The following TRIM39 variants were observed in gnomAD, a reference collection of about 807,000 sequenced individuals.
TRIM39 encodes E3 ubiquitin-protein ligase TRIM39.
In TRIM39, 5 loss-of-function variants were observed where a neutral mutation model predicts 53.6. The observed-to-expected ratio is 0.09, with a 90% confidence interval of 0.05 to 0.20. The LOEUF is 0.20. Among genes scored for constraint, TRIM39 ranks in the 10% least tolerant of loss-of-function variants. The pLI, the probability that TRIM39 is intolerant of heterozygous loss-of-function variation, is 1.00. For synonymous variants in TRIM39, 196 were observed against 237.6 expected (o/e 0.82, Z 1.61); for missense variants, 310 against 621.0 (o/e 0.50, Z 5.32).
chr6:30,330,175 GAT>G (rs1399814141), intron 3 of TRIM39, among the ~76,000 whole-genome samples: 1 of 152,210 alleles, frequency 6.6e-6, no homozygotes, highest in Non-Finnish European at 1.5e-5. Flanking sequence ...GCTTGAGACT[GAT>G]ACCTACCGGA....
intron 4 of TRIM39, among the ~76,000 whole-genome samples, chr6:30,331,412 G>A (rs1786158432): frequency 6.6e-6 from 1 of 152,194 alleles, no homozygotes; most frequent in Non-Finnish European, 1.5e-5. Flanking sequence ...TTTAAGAGAT[G>A]AAGAACAGAC....
rs1487593379 is a variant in TRIM39 at position 30,335,123 on chromosome 6, T to C, written c.550-622T>C. Among the ~76,000 whole-genome samples, 1 of 152,196 alleles carries C rather than the reference T, an allele frequency of 6.6e-6. No homozygotes were observed. The highest frequency in any genetic ancestry group is 1.5e-5 in the Non-Finnish European group (1 of 68,042). ...TGTAATAGTTAATGTCATCATATTA[T>C]TGAGTTCTTTATCTTAAATTAAAAC... On this transcript the variant is annotated intron_variant, in intron 4 of 7. Transcript: ENST00000396551. This position sits in a 1 kb window ranked among gnomAD's most constrained non-coding sequence, Gnocchi z 4.7.
At chr6:30,340,440 A>G in intron 6 of TRIM39, 65 bp from the exon 7 acceptor site, 1 of 1,609,808 alleles carries the variant, frequency 6.2e-7, no homozygotes, top group Non-Finnish European at 8.5e-7. Flanking sequence ...ACATCTGAAT[A>G]GTCACTTGGC....
chr6:30,331,264 G>A (rs1427070724), intron 4 of TRIM39, among the ~76,000 whole-genome samples: 11 of 134,946 alleles, frequency 8.2e-5, no homozygotes, highest in African/African-American at 3.1e-4. Flanking sequence ...GCAAGGCTCT[G>A]TCTCAAACAA....
intron 3 of TRIM39, 73 bp downstream of exon 3, chr6:30,329,843 T>G: frequency 1.3e-6 from 2 of 1,530,416 alleles, no homozygotes; most frequent in Non-Finnish European, 1.8e-6. Context: ...ACTCCCTAGG[T>G]AGAGATCGTA....
Position 30,335,750 on chromosome 6 carries a change from A to G in TRIM39, c.555A>G (p.Leu185=). 2 of 1,612,730 alleles carry G rather than the reference A, an allele frequency of 1.2e-6. No individual in the cohort carries two copies. Among genetic ancestry groups the G allele is most frequent in the Non-Finnish European group, 8.5e-7 (1 of 1,179,922 alleles). Residue 185 remains leucine (L), a synonymous_variant, in exon 5 of 8, where the codon CTA becomes CTG. Transcript: ENST00000396551. The surrounding 1 kb of genome is among the most constrained non-coding windows in gnomAD (Gnocchi z 4.7). ...CATCTTCCCTCTCTTCTCAGAGACT[A>G]GTGGAAAGTCGCCGACAGCAGATCT...
At chr6:30,336,189 A>G in intron 5 of TRIM39, 4 of 750,122 alleles carry the variant, frequency 5.3e-6, no homozygotes, top group Non-Finnish European at 7.0e-6. Flanking sequence ...GTCAGCAATT[A>G]TGTGCTTAAT....
chr6:30,339,198 G>A lies in TRIM39; in HGVS notation c.781-710G>A, dbSNP rs538517389. Among the ~76,000 whole-genome samples the A allele has an allele frequency of 1.3e-5, 2 of 151,726 alleles. No individual in the cohort carries two copies. Among genetic ancestry groups the A allele is most frequent in the African/African-American group, 4.8e-5 (2 of 41,270 alleles). ...AGAGTCTTGCTCTGTCGCCCAGGCT[G>A]GAGTGCAGTGCATGATCTCGGCTCA... On this transcript the variant is annotated intron_variant, in intron 5 of 7. Transcript: ENST00000396551. This position sits in a 1 kb window ranked among gnomAD's most constrained non-coding sequence, Gnocchi z 4.2.
intron 3 of TRIM39, among the ~76,000 whole-genome samples, chr6:30,330,140 C>G (rs908232259): frequency 2.6e-5 from 4 of 152,206 alleles, no homozygotes; most frequent in African/African-American, 4.8e-5. Context: ...TGTTTTCACA[C>G]TGGTTATTGG....
At chr6:30,327,225 C>G (rs1785462734) in intron 1 of TRIM39, 1 of 152,694 alleles carries the variant, frequency 6.5e-6, no homozygotes, top group Non-Finnish European at 1.5e-5. Context: ...GCTCACCTCC[C>G]CGGGTGAAAC....
At position 30,335,718 on chromosome 6, in the gene TRIM39, G is replaced by A; in HGVS notation, c.550-27G>A. On this transcript the variant is annotated intron_variant, in intron 4 of 7. Transcript: ENST00000396551. The surrounding 1 kb of genome is among the most constrained non-coding windows in gnomAD (Gnocchi z 4.7). ...TTCCTTATACCACACTGACCCTGCT[G>A]ATACAACATCTTCCCTCTCTTCTCA... 1.9e-6 allele frequency: 3 copies of A among 1,609,262 alleles called. No individual in the cohort carries two copies. Among genetic ancestry groups the A allele is most frequent in the Non-Finnish European group, 1.7e-6 (2 of 1,178,230 alleles).
intron 4 of TRIM39, among the ~76,000 whole-genome samples, chr6:30,333,353 GTTTT>G (rs9278647): frequency 9.4e-6 from 1 of 106,080 alleles, no homozygotes. Context: ...TGTTTTTGTG[GTTTT>G]TTTTTTTTTT....
chr6:30,336,547 G>A (rs907470008), intron 5 of TRIM39, among the ~76,000 whole-genome samples: 4 of 152,168 alleles, frequency 2.6e-5, no homozygotes, highest in East Asian at 1.9e-4. Context: ...GGTGACTGTG[G>A]TAATTTCTTA....
At chr6:30,341,535 G>A (rs1442148769) in intron 7 of TRIM39, 177 bp from the exon 8 acceptor site, 1 of 927,744 alleles carries the variant, frequency 1.1e-6, no homozygotes, top group Non-Finnish European at 1.7e-6. Flanking sequence ...TGAGAAGTGA[G>A]CCATTGCTTT....
In TRIM39 at chr6:30,328,179, C is replaced by G. The variant is rs138050480; in HGVS notation, c.-160-710C>G. 1.2e-3 allele frequency among the ~76,000 whole-genome samples: 177 copies of G among 152,326 alleles called. 3 individuals carry two copies. The Middle Eastern group carries it at 0.014, about 12-fold the overall frequency. ...CTCTTTTGTGTCTCTTAATTCGCAA[C>G]CACTCCAGGACCTATAAGTTGGAGA... On this transcript the variant is annotated intron_variant, in intron 1 of 7. Coordinates refer to ENST00000396551, the Ensembl canonical transcript of TRIM39.
chr6:30,341,784 T>C, exon 8 of TRIM39: 1 of 1,612,856 alleles, frequency 6.2e-7, no homozygotes, highest in Non-Finnish European at 8.5e-7. Flanking sequence ...AGCGTCAAGT[T>C]CGTGGAGACA....
At chr6:30,341,026 G>A (rs1787459050) in intron 7 of TRIM39, among the ~76,000 whole-genome samples, 1 of 152,064 alleles carries the variant, frequency 6.6e-6, no homozygotes, top group Non-Finnish European at 1.5e-5. Flanking sequence ...TGGCCAACAC[G>A]GTGAAACCCC....
rs902726448 is a variant in TRIM39 at position 30,335,569 on chromosome 6, T to C, written c.550-176T>C. ...AACTTCTCATCCCAAGCAATCCACC[T>C]CCCTCGGCCTCCCAAAGTCCTGGGA... On this transcript the variant is annotated intron_variant, in intron 4 of 7. Coordinates refer to ENST00000396551, the Ensembl canonical transcript of TRIM39. The surrounding 1 kb of genome is among the most constrained non-coding windows in gnomAD (Gnocchi z 4.7). Among the ~76,000 whole-genome samples, 1 of 152,058 alleles carries C rather than the reference T, an allele frequency of 6.6e-6. No homozygotes were observed. The highest frequency in any genetic ancestry group is 1.5e-5 in the Non-Finnish European group (1 of 68,016).
chr6:30,333,902 A>G (rs1305883359), intron 4 of TRIM39, among the ~76,000 whole-genome samples: 2 of 152,208 alleles, frequency 1.3e-5, no homozygotes, highest in Non-Finnish European at 2.9e-5. Context: ...ACCGGTTTAT[A>G]AGAGGAAGGG....
Sources: gnomAD v4.1 joint callset for allele counts (sites outside exome capture counted in the v4.1 genomes callset) on GRCh38, gnomAD v4.1.1 for gene constraint, Gnocchi (gnomAD v3.1) non-coding constraint, MANE v1.5 for transcripts, NCBI Gene and HGNC (gene_info 2026-07-23, HGNC 2026-07-21) for gene names.